Variants in RNF31 observed in about 807,000 individuals in gnomAD.
RNF31 encodes E3 ubiquitin-protein ligase RNF31.
In RNF31, 38 loss-of-function variants were observed where a neutral mutation model predicts 133.6. The observed-to-expected ratio is 0.28, with a 90% CI of 0.22 to 0.37. The LOEUF (loss-of-function observed/expected upper bound fraction) is 0.37, where lower values mean the gene tolerates loss of function less well. Ranked by LOEUF, RNF31 falls within the 10% of genes least tolerant of loss-of-function variation. The probability of loss-of-function intolerance (pLI) is 1.00; values close to 1 mark genes in which losing one functional copy is unlikely to be tolerated. For synonymous variants in RNF31, 582 were observed against 552.3 expected, an observed-to-expected ratio of 1.05 and a Z score of -0.75; for missense variants, 1,118 against 1,394.1, an observed-to-expected ratio of 0.80 and a Z score of 3.15.
chr14:24,151,923 C>T lies in RNF31; in HGVS notation c.2061C>T (p.Asp687=), dbSNP rs1458195513. Residue 687 remains aspartate (D), a synonymous_variant, in exon 11 of 21, where the codon GAC becomes GAT. Coordinates refer to ENST00000324103, the MANE Select transcript of RNF31 (RefSeq NM_017999.5). The surrounding 1 kb of genome is among the most constrained non-coding windows in gnomAD (Gnocchi z 5.3). ...TAGAAGCTGTGAGGCACAGCCAGGA[C>T]CGGGCCTTCCTGCGCCGCTTGCTTG... ...DVVEAVRHSQ[D]RAFLRRLLAQ... is the part of the protein sequence containing the mutation. 5 of 1,614,094 alleles carry T rather than the reference C, an allele frequency of 3.1e-6. No homozygotes were observed. The African/African-American group carries it at 5.3e-5, about 17-fold the overall frequency.
Position 24,152,008 on chromosome 14 carries a change from C to T in RNF31, c.2130+16C>T, listed in dbSNP as rs200711200. 29 of 1,611,142 alleles carry T rather than the reference C, an allele frequency of 1.8e-5. No homozygotes were observed. In the East Asian group the frequency reaches 4.9e-4, roughly 27 times the overall value. On this transcript the variant is annotated intron_variant, in intron 11 of 20. Coordinates refer to ENST00000324103, the MANE Select transcript of RNF31 (RefSeq NM_017999.5). ...CCACAACCGGGTAAGTCCCTCCCCA[C>T]GATACCTGGTCCAAGAATTACTCTA...
At position 24,147,724 on chromosome 14, in the gene RNF31, C is replaced by T. The variant is rs762908353; in HGVS notation, c.26C>T (p.Ala9Val). The part of the protein sequence containing the change: MPGEEEER[A>V]FLVAREELAS... ...ATGCCGGGGGAGGAAGAGGAGCGGG[C>T]CTTCCTGGTGGCCCGCGAGGAGCTG... Residue 9 changes from alanine (A) to valine (V), a missense_variant, in exon 1 of 21, where the codon GCC (alanine) becomes GTC (valine). Around this residue, in one of 3 missense-constraint regions of RNF31, gnomAD observed 747 missense variants for 827.9 expected, o/e 0.90. Coordinates refer to ENST00000324103, the MANE Select transcript of RNF31 (RefSeq NM_017999.5). 6.5e-7 allele frequency: 1 copy of T among 1,543,624 alleles called. No individual in the cohort carries two copies. The highest frequency in any genetic ancestry group is 8.7e-7 in the Non-Finnish European group (1 of 1,150,376).
At chr14:24,157,807 C>T in intron 16 of RNF31, 91 bp from the exon 17 acceptor site, 1 of 1,177,430 alleles carries the variant, frequency 8.5e-7, no homozygotes, top group East Asian at 2.3e-5. Context: ...CTCCATCTCC[C>T]CTCACCCTTA....
rs199909860 is a variant in RNF31, at chr14:24,152,011, T to C, written c.2130+19T>C. 5.8e-4 allele frequency: 931 copies of C among 1,610,526 alleles called. 5 individuals are homozygous for C. The highest frequency in any genetic ancestry group is 3.2e-3 in the East Asian group (144 of 44,850). On this transcript the variant is annotated intron_variant, in intron 11 of 20. Transcript: ENST00000324103. ...CAACCGGGTAAGTCCCTCCCCACGA[T>C]ACCTGGTCCAAGAATTACTCTATTC...
At position 24,148,432 on chromosome 14, in the gene RNF31, C is replaced by T. The variant is rs765621240; in HGVS notation, c.495+19C>T. On this transcript the variant is annotated intron_variant, in intron 3 of 20. Transcript: ENST00000324103. ...ATTGCAGGTGAGATGCTCCTCTAGT[C>T]TTGATGGACTTATGCACCAGGGCTG... 6 of 1,613,714 alleles carry T rather than the reference C, an allele frequency of 3.7e-6. No individual in the cohort carries two copies. In the African/African-American group the frequency reaches 4.0e-5, roughly 11 times the overall value.
In RNF31 at chr14:24,159,900, A is replaced by G. The variant is rs752878943; in HGVS notation, c.2936A>G (p.Asn979Ser). The change falls in exon 19 of 21, where the codon AAT (asparagine) becomes AGT (serine). Residue 979 changes from asparagine (N) to serine (S), a missense_variant. Asn to Ser is a conservative substitution (Grantham distance 46). This residue lies in a region of RNF31 where 170 missense variants were observed against 194.5 expected (regional missense o/e 0.87). Transcript: ENST00000324103. ...CRVIEQKEVP[N>S]GLRDEACGKE... ...GTGATAGAGCAGAAGGAGGTTCCCA[A>G]TGGGCTCAGGGACGAAGCTTGTGGC... 37 of 1,614,142 alleles carry G rather than the reference A, an allele frequency of 2.3e-5. No homozygotes were observed. The highest frequency in any genetic ancestry group is 1.2e-4 in the Admixed American group (7 of 60,026).
In RNF31 at chr14:24,150,908, T is replaced by C; in HGVS notation, c.1488+20T>C. 11 of 1,541,264 alleles carry C rather than the reference T, an allele frequency of 7.1e-6. No individual in the cohort carries two copies. Among genetic ancestry groups the C allele is most frequent in the Non-Finnish European group, 8.7e-6 (10 of 1,143,402 alleles). On this transcript the variant is annotated intron_variant, in intron 8 of 20. Transcript: ENST00000324103. ...ATCCGGGTAAGGACTGGGCCTGCGA[T>C]GAGGTAGGGCTGAGCTGGTCTGGGA... is the stretch of plus-strand genomic sequence containing the variant.
In RNF31 at chr14:24,150,306, G is replaced by A. The variant is rs1163485142; in HGVS notation, c.1055G>A (p.Gly352Asp). ...GGCCTAGAACCTGATCTTGCACGGG[G>A]TCGGTGGGCCTGCCAGAGCTGTACC... ...TGGLEPDLAR[G>D]RWACQSCTFE... Residue 352 changes from glycine to aspartate, a missense_variant, in exon 7 of 21, where the codon GGT becomes GAT. This residue lies in a region of RNF31 where 747 missense variants were observed against 827.9 expected (regional missense o/e 0.90). Transcript: ENST00000324103. 6.2e-7 allele frequency: 1 copy of A among 1,614,220 alleles called. No homozygotes were observed. The highest frequency in any genetic ancestry group is 8.5e-7 in the Non-Finnish European group (1 of 1,180,044).
Position 24,151,984 on chromosome 14 carries a change from C to T in RNF31, c.2122C>T (p.His708Tyr), listed in dbSNP as rs539576377. 48 of 1,613,776 alleles carry T rather than the reference C, an allele frequency of 3.0e-5. 2 individuals carry two copies. In the South Asian group the frequency reaches 5.1e-4, roughly 17 times the overall value. Reference sequence around the variant, plus strand: ...TGCCGTGTGTGGCTGGGCCCTGCCCCACAACCGGGTAAGTCCCTCCCCACG... The same window carrying T: ...TGCCGTGTGTGGCTGGGCCCTGCCCTACAACCGGGTAAGTCCCTCCCCACG... ...ECAVCGWALP[H>Y]NRMQALTSCE... is the part of the protein sequence containing the mutation. Residue 708 changes from histidine (H) to tyrosine (Y), a missense_variant, in exon 11 of 21, where the codon CAC becomes TAC. This residue lies in a region of RNF31 where 201 missense variants were observed against 371.7 expected (regional missense o/e 0.54). Transcript: ENST00000324103. This position sits in a 1 kb window ranked among gnomAD's most constrained non-coding sequence, Gnocchi z 5.3.
At chr14:24,146,912 G>A (rs2038173323), upstream of RNF31, 2 of 440,800 alleles carry the variant, frequency 4.5e-6, no homozygotes, top group African/African-American at 4.0e-5. Context: ...GTTGGGGTAA[G>A]AGAGGTGGGA....
chr14:24,156,036 C>G (rs2038336789), intron 14 of RNF31, among the ~76,000 whole-genome samples: 1 of 152,178 alleles, frequency 6.6e-6, no homozygotes, highest in African/African-American at 2.4e-5. Context: ...CAAGTCTTCT[C>G]TAAAATGGTT....
intron 18 of RNF31, chr14:24,158,505 C>T: frequency 2.3e-6 from 1 of 438,070 alleles, no homozygotes. Flanking sequence ...ATGAGAAGTG[C>T]TAGTTGCAGG....
At chr14:24,152,013 C>A in intron 11 of RNF31, 21 bp downstream of exon 11, 2 of 1,609,660 alleles carry the variant, frequency 1.2e-6, no homozygotes, top group African/African-American at 2.7e-5. Flanking sequence ...CCCCACGATA[C>A]CTGGTCCAAG....
chr14:24,149,388 AT>A lies in RNF31; in HGVS notation c.632-17del, dbSNP rs1178525405. ...CTGGTCTTTTTTGGAAAGATGTTCC[AT>A]CTCTCCTGCCCTCCAGGCTCCACTC... On this transcript the variant is annotated splice_polypyrimidine_tract_variant and intron_variant, in intron 5 of 20. Transcript: ENST00000324103. The A allele has an allele frequency of 1.4e-5, 23 of 1,603,672 alleles. No individual in the cohort carries two copies. In the South Asian group the frequency reaches 2.1e-4, roughly 15 times the overall value.
chr14:24,157,576 C>T lies in RNF31; in HGVS notation c.2665C>T (p.His889Tyr). 1 of 1,614,180 alleles carries T rather than the reference C, an allele frequency of 6.2e-7. No individual in the cohort carries two copies. The highest frequency in any genetic ancestry group is 8.5e-7 in the Non-Finnish European group (1 of 1,180,022). ...GGCCCGAGGAGGCTGCATGCACTTTCACTGTACCCAGTGCCGCCACCAGTT... is the reference window on the plus strand; with the variant it reads ...GGCCCGAGGAGGCTGCATGCACTTTTACTGTACCCAGTGCCGCCACCAGTT... ...ALARGGCMHF[H>Y]CTQCRHQFCS... Residue 889 changes from histidine (H) to tyrosine (Y), a missense_variant, in exon 16 of 21, where the codon CAC becomes TAC. Coordinates refer to ENST00000324103, the MANE Select transcript of RNF31 (RefSeq NM_017999.5).
chr14:24,150,266 C>T lies in RNF31; in HGVS notation c.1015C>T (p.Pro339Ser). ...GGGGTTGGGGTTGGGAACTGAGGGT[C>T]CCCAAGGAACTGGAGGCCTAGAACC... The part of the protein sequence containing the change: ...CKGLGLGTEG[P>S]QGTGGLEPDL... The change falls in exon 7 of 21, where the codon CCC becomes TCC. Residue 339 changes from proline (P) to serine (S), a missense_variant. This residue lies in a region of RNF31 where 747 missense variants were observed against 827.9 expected (regional missense o/e 0.90). Coordinates refer to ENST00000324103, the MANE Select transcript of RNF31 (RefSeq NM_017999.5). 16 of 1,614,174 alleles carry T rather than the reference C, an allele frequency of 9.9e-6. No homozygotes were observed. Among genetic ancestry groups the T allele is most frequent in the Non-Finnish European group, 1.3e-5 (15 of 1,180,032 alleles).
At chr14:24,159,208 G>T (rs1314286269) in intron 18 of RNF31, among the ~76,000 whole-genome samples, 1 of 151,806 alleles carries the variant, frequency 6.6e-6, no homozygotes, top group African/African-American at 2.4e-5. Flanking sequence ...TTAGCAAGGT[G>T]TGGTGGCAGG....
At chr14:24,154,030 C>T (rs569858009) in intron 11 of RNF31, among the ~76,000 whole-genome samples, 1 of 152,334 alleles carries the variant, frequency 6.6e-6, no homozygotes, top group South Asian at 2.1e-4. Context: ...GAGTCTCGCT[C>T]TGTCGCCCTG....
chr14:24,148,490 AC>A (rs748593038), intron 3 of RNF31, 77 bp downstream of exon 3: 5 of 1,609,428 alleles, frequency 3.1e-6, no homozygotes, highest in Non-Finnish European at 4.2e-6. Flanking sequence ...AAGTTTGAGG[AC>A]CCCCGTGCTG....
Sources: allele counts gnomAD v4.1 joint callset (sites outside exome capture counted in the v4.1 genomes callset), GRCh38; gene constraint gnomAD v4.1.1; regional missense constraint gnomAD v4.1.1; non-coding constraint Gnocchi (gnomAD v3.1); transcripts MANE v1.5; gene names NCBI Gene and HGNC (gene_info 2026-07-23, HGNC 2026-07-21).